Variants in COL22A1 observed in about 807,000 individuals in gnomAD.
COL22A1 encodes the protein collagen type XXII alpha 1 chain.
In COL22A1, 221 loss-of-function variants were observed where a neutral mutation model predicts 248.9. That is an observed-to-expected ratio of 0.89 (90% CI 0.80 to 0.99). The LOEUF (loss-of-function observed/expected upper bound fraction) is 0.99, where lower values mean the gene tolerates loss of function less well. COL22A1 is among the 50% of genes least tolerant of loss of function. COL22A1 has a pLI of 0.00. For missense variants in COL22A1, 2,240 were observed against 2,179.0 expected (o/e 1.03, Z -0.56); for synonymous variants, 891 against 793.4 (o/e 1.12, Z -2.07).
chr8:138,740,673 C>G lies in COL22A1; in HGVS notation c.2086-3096G>C, dbSNP rs80080775. 4.6e-5 allele frequency among the ~76,000 whole-genome samples: 7 copies of G among 152,082 alleles called. No homozygotes were observed. The East Asian group carries it at 1.4e-3, about 29-fold the overall frequency. The stretch of plus-strand genomic sequence containing the variant: ...TAGACAAGAGAGAAATGCAAAGAAA[C>G]ACATCTATGGAAGCAGACACCATAA... On this transcript the variant is annotated intron_variant, in intron 22 of 64. Coordinates refer to ENST00000303045, the MANE Select transcript of COL22A1 (RefSeq NM_152888.3).
intron 1 of COL22A1, among the ~76,000 whole-genome samples, chr8:138,904,672 T>A (rs1814881521): frequency 6.6e-6 from 1 of 152,116 alleles, no homozygotes; most frequent in Non-Finnish European, 1.5e-5. Flanking sequence ...TCACAAGAAA[T>A]TGTCTCAGAT....
intron 5 of COL22A1, among the ~76,000 whole-genome samples, chr8:138,829,888 TATA>T (rs1256666174): frequency 1.3e-5 from 2 of 152,210 alleles, no homozygotes; most frequent in East Asian, 3.8e-4. Flanking sequence ...TTCCCCTGAT[TATA>T]ATAACTTTTG....
intron 1 of COL22A1, among the ~76,000 whole-genome samples, chr8:138,902,927 T>C (rs1814726687): frequency 6.6e-6 from 1 of 152,072 alleles, no homozygotes; most frequent in South Asian, 2.1e-4. Context: ...TGAAACGTTT[T>C]CATGGTCGTC....
chr8:138,700,077 C>T, intron 32 of COL22A1, 35 bp downstream of exon 32: 1 of 1,608,834 alleles, frequency 6.2e-7, no homozygotes, highest in East Asian at 2.2e-5. Context: ...CAGGCCGAGG[C>T]ACACTGGGCA....
intron 47 of COL22A1, among the ~76,000 whole-genome samples, chr8:138,643,212 T>C (rs1587743755): frequency 6.6e-6 from 1 of 152,232 alleles, no homozygotes; most frequent in African/African-American, 2.4e-5. Context: ...CATTTGAAGA[T>C]GCTACACTTT....
intron 11 of COL22A1, among the ~76,000 whole-genome samples, chr8:138,798,233 TCTG>T (rs935139700): frequency 2.0e-5 from 3 of 151,688 alleles, no homozygotes; most frequent in African/African-American, 7.2e-5. Flanking sequence ...TCTTAAAATT[TCTG>T]CTTTTTAGTT....
chr8:138,762,609 C>CACACACA (rs35492380), intron 16 of COL22A1, 143 bp from the exon 17 acceptor site: 278,119 of 634,776 alleles, frequency 0.44, 35,490 homozygotes, highest in East Asian at 0.56. Flanking sequence ...CACACACACA[C>CACACACA]AACAGCCCTA....
At chr8:138,643,519 G>T (rs1821904107) in intron 47 of COL22A1, among the ~76,000 whole-genome samples, 1 of 151,986 alleles carries the variant, frequency 6.6e-6, no homozygotes, top group African/African-American at 2.4e-5. Context: ...CTTTTCCAGG[G>T]CTGGGCCTAG....
At chr8:138,684,653 C>T (rs1052609124) in intron 38 of COL22A1, among the ~76,000 whole-genome samples, 184 bp from the exon 39 acceptor site, 5 of 152,110 alleles carry the variant, frequency 3.3e-5, no homozygotes, top group Non-Finnish European at 4.4e-5. Flanking sequence ...ATGTGAATTC[C>T]GACTCTGCCT....
chr8:138,710,851 C>A (rs925959455), intron 30 of COL22A1, among the ~76,000 whole-genome samples: 1 of 152,144 alleles, frequency 6.6e-6, no homozygotes, highest in South Asian at 2.1e-4. Context: ...TTGTTGAACT[C>A]AAGCTCCAGA....
intron 12 of COL22A1, among the ~76,000 whole-genome samples, chr8:138,796,008 A>C (rs1276272407): frequency 6.6e-6 from 1 of 152,192 alleles, no homozygotes; most frequent in Non-Finnish European, 1.5e-5. Context: ...CTCCAGTGAA[A>C]GTATCAACGG....
At chr8:138,879,870 T>C (rs1341381069) in intron 2 of COL22A1, among the ~76,000 whole-genome samples, 2 of 114,650 alleles carry the variant, frequency 1.7e-5, no homozygotes, top group Non-Finnish European at 3.8e-5. Flanking sequence ...AAAAACACTT[T>C]GTTGAAATAC....
At chr8:138,604,845 A>C in intron 58 of COL22A1, 76 bp from the exon 59 acceptor site, 1 of 1,203,134 alleles carries the variant, frequency 8.3e-7, no homozygotes, top group Non-Finnish European at 1.2e-6. Flanking sequence ...TTTAAAACTG[A>C]CATTTCCACT....
intron 62 of COL22A1, 113 bp downstream of exon 62, chr8:138,596,791 G>A (rs1346327159): frequency 1.3e-5 from 12 of 920,528 alleles, no homozygotes; most frequent in African/African-American, 3.3e-5. Context: ...CTACACTTGA[G>A]CTGCCGGTCA....
intron 41 of COL22A1, among the ~76,000 whole-genome samples, chr8:138,663,980 C>T (rs895088569): frequency 6.6e-6 from 1 of 151,888 alleles, no homozygotes; most frequent in Admixed American, 6.6e-5. Flanking sequence ...CTATCATCAT[C>T]CCTGCGTGGC....
intron 51 of COL22A1, 29 bp downstream of exon 51, chr8:138,626,161 G>A (rs745868970): frequency 7.3e-5 from 113 of 1,554,930 alleles, no homozygotes; most frequent in Admixed American, 5.9e-4. Flanking sequence ...GTTTGTTTTT[G>A]TTTGTTTGTT....
chr8:138,834,419 C>G (rs1229051583), intron 4 of COL22A1, among the ~76,000 whole-genome samples: 1 of 151,744 alleles, frequency 6.6e-6, no homozygotes, highest in Non-Finnish European at 1.5e-5. Context: ...TCTTTTACCA[C>G]TAAATTCTGC....
chr8:138,710,111 T>C (rs1316422826), intron 30 of COL22A1, among the ~76,000 whole-genome samples: 3 of 152,238 alleles, frequency 2.0e-5, no homozygotes, highest in African/African-American at 7.2e-5. Flanking sequence ...TACTTTGGCA[T>C]GTTTTCTCTT....
At chr8:138,692,230 A>ATGCACATTTGTGGACGTGTGTGCGTG (rs1564201490) in intron 35 of COL22A1, among the ~76,000 whole-genome samples, 19 of 31,486 alleles carry the variant, frequency 6.0e-4, no homozygotes, top group Admixed American at 1.3e-3. Flanking sequence ...GTGCACGTGC[A>ATGCACATTTGTGGACGTGTGTGCGTG]TGTGCATGTT....
Sources: gnomAD v4.1 joint callset for allele counts (sites outside exome capture counted in the v4.1 genomes callset) on GRCh38, gnomAD v4.1.1 for gene constraint, MANE v1.5 for transcripts, NCBI Gene and HGNC (gene_info 2026-07-23, HGNC 2026-07-21) for gene names.